RNF2: variants seen among roughly 807,000 people sequenced by gnomAD.
RNF2 encodes ring finger protein 2, also known as E3 ubiquitin-protein ligase RING2.
RNF2 carries 6 observed loss-of-function variants against 37.2 expected under a neutral mutation model. That is an observed-to-expected ratio of 0.16 (90% CI 0.09 to 0.32). The LOEUF is 0.32. Ranked by LOEUF, RNF2 falls within the 10% of genes least tolerant of loss-of-function variation. The pLI is 1.00. For synonymous variants in RNF2, 133 were observed against 132.7 expected (o/e 1.00, Z -0.02); for missense variants, 251 against 404.0 (o/e 0.62, Z 3.25).
chr1:185,053,341 T>C (rs79877600), intron 1 of RNF2, among the ~76,000 whole-genome samples: 1 of 141,842 alleles, frequency 7.1e-6, no homozygotes, highest in Non-Finnish European at 1.5e-5. Flanking sequence ...TTTCTTTTTC[T>C]TTTTTTTTTT....
chr1:185,046,955 A>G (rs2102145984), intron 1 of RNF2, among the ~76,000 whole-genome samples: 1 of 152,332 alleles, frequency 6.6e-6, no homozygotes, highest in Admixed American at 6.5e-5. Flanking sequence ...TGGATTTATA[A>G]AGTATTTAAA....
intron 1 of RNF2, among the ~76,000 whole-genome samples, chr1:185,069,267 A>G (rs1650893597): frequency 6.6e-6 from 1 of 152,084 alleles, no homozygotes. Context: ...AGTCTGGGGA[A>G]CATGGTGAAA....
chr1:185,096,919 C>A (rs943258390), intron 4 of RNF2, among the ~76,000 whole-genome samples: 1 of 149,716 alleles, frequency 6.7e-6, no homozygotes, highest in African/African-American at 2.5e-5. Flanking sequence ...TGGCAGTAAA[C>A]ATAATGACAA....
chr1:185,049,243 C>G (rs1383158963), intron 1 of RNF2, among the ~76,000 whole-genome samples: 1 of 152,140 alleles, frequency 6.6e-6, no homozygotes, highest in Non-Finnish European at 1.5e-5. Flanking sequence ...TCATGCCACA[C>G]TATCAGAGGA....
chr1:185,073,894 AGAGT>A (rs1460506728), intron 1 of RNF2, among the ~76,000 whole-genome samples: 3 of 152,222 alleles, frequency 2.0e-5, no homozygotes, highest in Admixed American at 2.0e-4. Context: ...TACGCTACTC[AGAGT>A]GAGTGCCAGA....
chr1:185,082,593 A>G (rs1651460325), intron 1 of RNF2, among the ~76,000 whole-genome samples: 2 of 151,656 alleles, frequency 1.3e-5, no homozygotes, highest in Admixed American at 6.6e-5. Flanking sequence ...GACCTCAGGT[A>G]ATCTACCCTC....
At chr1:185,067,293 G>A (rs915771587) in intron 1 of RNF2, among the ~76,000 whole-genome samples, 11 of 152,192 alleles carry the variant, frequency 7.2e-5, no homozygotes, top group African/African-American at 2.7e-4. Flanking sequence ...AGATTGAACT[G>A]CGGAAAGTGG....
chr1:185,090,219 C>T (rs952181950), intron 2 of RNF2, among the ~76,000 whole-genome samples: 2 of 152,250 alleles, frequency 1.3e-5, no homozygotes, highest in South Asian at 4.1e-4. Context: ...CGTGCCTGGC[C>T]GAGGCTGGTG....
chr1:185,078,884 A>T (rs1651255512), intron 1 of RNF2, among the ~76,000 whole-genome samples: 1 of 152,178 alleles, frequency 6.6e-6, no homozygotes, highest in Admixed American at 6.5e-5. Flanking sequence ...GTCTCTACTA[A>T]AATACAAAAA....
rs1335437776 is a variant in RNF2 at position 185,101,299 on chromosome 1, A to G, written c.*998A>G. 1 of 152,554 alleles carries G rather than the reference A, an allele frequency of 6.6e-6. No individual in the cohort carries two copies. Among genetic ancestry groups the G allele is most frequent in the South Asian group, 2.1e-4 (1 of 4,834 alleles). The allele number at this position is 152,554 out of a possible 1,614,324, so 9.5% of individuals were successfully genotyped here. ...AAAAGTTTGTTTCCATTGGAAAATT[A>G]TATCATTTTGGGTTGCCACATCAGT... On this transcript the variant is annotated 3_prime_UTR_variant, in exon 7 of 7. Coordinates refer to ENST00000367510, the MANE Select transcript of RNF2 (RefSeq NM_007212.4).
At chr1:185,079,229 CT>C (rs1211644163) in intron 1 of RNF2, among the ~76,000 whole-genome samples, 1 of 152,008 alleles carries the variant, frequency 6.6e-6, no homozygotes, top group South Asian at 2.1e-4. Context: ...TCGGATATAT[CT>C]TTTTTTCAGA....
At chr1:185,098,812 C>T (rs1203423435) in intron 5 of RNF2, among the ~76,000 whole-genome samples, 4 of 151,206 alleles carry the variant, frequency 2.6e-5, no homozygotes, top group African/African-American at 4.9e-5. Context: ...AGTGCAGTGG[C>T]GCGATCTCGG....
At chr1:185,068,728 A>G (rs1255076149) in intron 1 of RNF2, among the ~76,000 whole-genome samples, 1 of 152,218 alleles carries the variant, frequency 6.6e-6, no homozygotes, top group African/African-American at 2.4e-5. Context: ...CAAATTTGTG[A>G]TAATGTTACA....
At chr1:185,070,094 T>A (rs1650922398) in intron 1 of RNF2, among the ~76,000 whole-genome samples, 2 of 152,202 alleles carry the variant, frequency 1.3e-5, no homozygotes, top group African/African-American at 4.8e-5. Context: ...GTCTTTTACA[T>A]GTTAGGGGAC....
chr1:185,063,439 T>C (rs1399338820), intron 1 of RNF2, among the ~76,000 whole-genome samples: 1 of 152,118 alleles, frequency 6.6e-6, no homozygotes, highest in Non-Finnish European at 1.5e-5. Context: ...AGGAAGACTC[T>C]TTTCCTGTGA....
At chr1:185,079,047 A>C (rs1243826050) in intron 1 of RNF2, among the ~76,000 whole-genome samples, 1 of 149,470 alleles carries the variant, frequency 6.7e-6, no homozygotes, top group African/African-American at 2.5e-5. Context: ...TGGAGCTGCC[A>C]GCTTTCACGG....
At chr1:185,097,949 C>G (rs1651959421) in intron 4 of RNF2, 123 bp from the exon 5 acceptor site, 2 of 1,001,486 alleles carry the variant, frequency 2.0e-6, no homozygotes, top group Non-Finnish European at 2.9e-6. Flanking sequence ...TCATCCAACT[C>G]AGAGTAAATT....
chr1:185,093,963 C>T (rs976720983), intron 4 of RNF2, among the ~76,000 whole-genome samples: 1 of 152,054 alleles, frequency 6.6e-6, no homozygotes, highest in African/African-American at 2.4e-5. Context: ...ATATATCCAG[C>T]CCGGACTTAC....
intron 1 of RNF2, among the ~76,000 whole-genome samples, chr1:185,054,920 G>C (rs1455483378): frequency 6.6e-6 from 1 of 152,084 alleles, no homozygotes; most frequent in Non-Finnish European, 1.5e-5. Flanking sequence ...GGCTGGTCTG[G>C]AACTCCTGAG....
Sources: allele counts gnomAD v4.1 joint callset (sites outside exome capture counted in the v4.1 genomes callset), GRCh38; gene constraint gnomAD v4.1.1; transcripts MANE v1.5; gene names NCBI Gene and HGNC (gene_info 2026-07-23, HGNC 2026-07-21).